The following ANXA3 variants were observed in gnomAD, a reference collection of about 807,000 sequenced individuals.
The protein encoded by ANXA3 is 35-alpha calcimedin.
ANXA3 carries 46 observed loss-of-function variants against 48.8 expected under a neutral mutation model. The observed-to-expected ratio is 0.94, with a 90% confidence interval of 0.74 to 1.21. The LOEUF (loss-of-function observed/expected upper bound fraction) is 1.21. Among genes scored for constraint, ANXA3 ranks in the 50% most tolerant of loss-of-function variants. The pLI is 0.00. For missense variants in ANXA3, 383 were observed against 378.6 expected (o/e 1.01, Z -0.10); for synonymous variants, 128 against 134.7 (o/e 0.95, Z 0.35).
intron 7 of ANXA3, among the ~76,000 whole-genome samples, chr4:78,593,803 ATTT>A (rs60515646): frequency 1.6e-3 from 139 of 88,738 alleles, no homozygotes; most frequent in Middle Eastern, 7.6e-3. Flanking sequence ...CATTCAGCTA[ATTT>A]TTTTTTTTTT....
chr4:78,595,547 T>C (rs1420868969), intron 8 of ANXA3, 110 bp downstream of exon 8: 1 of 1,258,116 alleles, frequency 7.9e-7, no homozygotes, highest in Non-Finnish European at 1.1e-6. Flanking sequence ...TTTCTTTTTT[T>C]TTTTTTCCTG....
At chr4:78,561,102 C>G (rs996276427) in intron 2 of ANXA3, among the ~76,000 whole-genome samples, 33 of 152,114 alleles carry the variant, frequency 2.2e-4, no homozygotes, top group Admixed American at 1.5e-3. Flanking sequence ...TCATTCAAAA[C>G]ATGGGATCCA....
chr4:78,595,424 A>T lies in ANXA3; in HGVS notation c.527A>T (p.Lys176Ile). The T allele has an allele frequency of 6.2e-7, 1 of 1,613,568 alleles. No homozygotes were observed. The highest frequency in any genetic ancestry group is 8.5e-7 in the Non-Finnish European group (1 of 1,179,842). ...CTGAAAGTGGATGAGCATCTGGCCAAACAAGATGCCCAGGTCAGTAACAAA... is the reference window on the plus strand; with the variant it reads ...CTGAAAGTGGATGAGCATCTGGCCATACAAGATGCCCAGGTCAGTAACAAA... ...ESLKVDEHLA[K>I]QDAQILYKAG... The change falls in exon 8 of 13, where the codon AAA becomes ATA. Residue 176 changes from lysine to isoleucine, a missense_variant. Lys to Ile is a moderately radical substitution (Grantham distance 102). Coordinates refer to ENST00000264908, the MANE Select transcript of ANXA3 (RefSeq NM_005139.3).
intron 2 of ANXA3, among the ~76,000 whole-genome samples, chr4:78,568,493 T>A (rs997732943): frequency 5.3e-5 from 8 of 152,226 alleles, no homozygotes; most frequent in African/African-American, 1.9e-4. Context: ...TAGGGCTTTC[T>A]GAAGTGATGA....
chr4:78,561,260 C>T (rs1281955907), intron 2 of ANXA3, among the ~76,000 whole-genome samples: 2 of 152,278 alleles, frequency 1.3e-5, no homozygotes, highest in African/African-American at 2.4e-5. Context: ...CGAACACTTC[C>T]TCTCTGGTGG....
chr4:78,602,253 A>AAAG (rs1204495888), intron 11 of ANXA3: 1 of 151,840 alleles, frequency 6.6e-6, no homozygotes, highest in African/African-American at 2.4e-5. Context: ...AAAAAAAAAA[A>AAAG]AAAAAGAAAA....
chr4:78,602,314 C>G (rs1560451788), intron 11 of ANXA3: 1 of 151,082 alleles, frequency 6.6e-6, no homozygotes, highest in African/African-American at 2.4e-5. Flanking sequence ...TATTTCTTTT[C>G]CACTTAGATT....
intron 9 of ANXA3, among the ~76,000 whole-genome samples, chr4:78,596,295 C>T (rs1560450144): frequency 6.6e-6 from 1 of 152,222 alleles, no homozygotes; most frequent in Non-Finnish European, 1.5e-5. Context: ...GTTGACACAT[C>T]AATACTGATT....
intron 3 of ANXA3, among the ~76,000 whole-genome samples, chr4:78,576,713 C>T (rs28734842): frequency 0.011 from 1,724 of 152,270 alleles, 43 homozygotes; most frequent in African/African-American, 0.039. Flanking sequence ...CTTTGGCTTA[C>T]AGGCCTTCTT....
At chr4:78,598,055 G>A (rs1334286457) in intron 10 of ANXA3, among the ~76,000 whole-genome samples, 1 of 152,086 alleles carries the variant, frequency 6.6e-6, no homozygotes, top group Non-Finnish European at 1.5e-5. Context: ...CGTAGGCAAA[G>A]CACAGTGGCA....
chr4:78,563,999 C>G (rs1325145204), intron 2 of ANXA3, among the ~76,000 whole-genome samples: 1 of 152,198 alleles, frequency 6.6e-6, no homozygotes, highest in African/African-American at 2.4e-5. Context: ...AAGCACTTTA[C>G]TTTGATTGTA....
At chr4:78,554,907 A>G (rs10213249) in intron 2 of ANXA3, among the ~76,000 whole-genome samples, 110,947 of 152,128 alleles carry the variant, frequency 0.73, 41,185 homozygotes, top group East Asian at 0.88. Flanking sequence ...AGAAATGAAG[A>G]AGATGAAATA....
intron 2 of ANXA3, among the ~76,000 whole-genome samples, chr4:78,556,417 A>C (rs926754922): frequency 2.6e-5 from 4 of 152,216 alleles, no homozygotes; most frequent in African/African-American, 9.6e-5. Context: ...TTACGGAAAG[A>C]CTATTACATC....
In ANXA3 at chr4:78,554,489, GT is replaced by G; in HGVS notation, c.15+2del. The stretch of plus-strand genomic sequence containing the variant: ...GTGGGATATCATGGCATCTATCTGG[GT>G]AAGTAAAAATTAAGCCTTCACAACA... On this transcript the variant is annotated splice_donor_variant, in intron 2 of 12. Coordinates refer to ENST00000264908, the MANE Select transcript of ANXA3 (RefSeq NM_005139.3). LOFTEE classifies it high-confidence loss of function. The G allele has an allele frequency of 6.2e-7, 1 of 1,613,048 alleles. No individual in the cohort carries two copies. The highest frequency in any genetic ancestry group is 1.1e-5 in the South Asian group (1 of 91,070).
At position 78,573,212 on chromosome 4, in the gene ANXA3, A is replaced by G. The variant is rs757065040; in HGVS notation, c.48A>G (p.Pro16=). 6.2e-7 allele frequency: 1 copy of G among 1,613,764 alleles called. No individual in the cohort carries two copies. Residue 16 remains proline, a synonymous_variant, in exon 3 of 13, where the codon CCA becomes CCG. Coordinates refer to ENST00000264908, the MANE Select transcript of ANXA3 (RefSeq NM_005139.3). ...VGHRGTVRDY[P]DFSPSVDAEA... Reference sequence around the variant, plus strand: ...ACCGAGGAACAGTAAGAGATTATCCAGACTTTAGCCCATCAGTGGATGCTG... The same window carrying G: ...ACCGAGGAACAGTAAGAGATTATCCGGACTTTAGCCCATCAGTGGATGCTG...
At chr4:78,595,306 C>T in intron 7 of ANXA3, 75 bp from the exon 8 acceptor site, 1 of 1,501,624 alleles carries the variant, frequency 6.7e-7, no homozygotes, top group Non-Finnish European at 9.3e-7. Flanking sequence ...ACTAAGATCC[C>T]CTGCTGGTTG....
chr4:78,609,052 G>T (rs895953539), intron 12 of ANXA3, among the ~76,000 whole-genome samples: 2 of 152,074 alleles, frequency 1.3e-5, no homozygotes, highest in African/African-American at 2.4e-5. Context: ...ATATAAAAAC[G>T]AAGAATATTG....
intron 2 of ANXA3, among the ~76,000 whole-genome samples, chr4:78,569,945 G>A (rs1722810192): frequency 6.6e-6 from 1 of 152,162 alleles, no homozygotes. Flanking sequence ...GAAGGCTCTT[G>A]TAAGAGTTAA....
intron 1 of ANXA3, among the ~76,000 whole-genome samples, chr4:78,553,685 G>A (rs1722448372): frequency 6.6e-6 from 1 of 152,144 alleles, no homozygotes; most frequent in Non-Finnish European, 1.5e-5. Context: ...AAAAAACCAA[G>A]GTGAAATATT....
Sources: gnomAD v4.1 joint callset for allele counts (sites outside exome capture counted in the v4.1 genomes callset) on GRCh38, gnomAD v4.1.1 for gene constraint, MANE v1.5 for transcripts, NCBI Gene and HGNC (gene_info 2026-07-23, HGNC 2026-07-21) for gene names.